The following SHISA6 variants were observed in gnomAD, a reference collection of about 807,000 sequenced individuals.
SHISA6 encodes the protein shisa family member 6, also known as protein shisa-6.
SHISA6 carries 22 observed loss-of-function variants against 47.9 expected under a neutral mutation model. The observed-to-expected ratio is 0.46, with a 90% CI of 0.33 to 0.66. SHISA6 has a LOEUF of 0.66. Among genes scored for constraint, SHISA6 ranks in the 30% least tolerant of loss-of-function variants. The probability of loss-of-function intolerance (pLI) is 0.02; values close to 1 mark genes in which losing one functional copy is unlikely to be tolerated. For synonymous variants in SHISA6, 388 were observed against 337.8 expected (o/e 1.15, Z -1.63); for missense variants, 680 against 764.6 (o/e 0.89, Z 1.30).
chr17:11,483,904 C>G (rs905131485), intron 3 of SHISA6, among the ~76,000 whole-genome samples: 2 of 152,096 alleles, frequency 1.3e-5, no homozygotes, highest in African/African-American at 4.8e-5. Context: ...TGCAGTGAAC[C>G]GTGATCACAC....
chr17:11,259,876 G>A (rs117103795), intron 1 of SHISA6, among the ~76,000 whole-genome samples: 3,171 of 152,234 alleles, frequency 0.021, 55 homozygotes, highest in Non-Finnish European at 0.033. Flanking sequence ...AAGGATGCCC[G>A]GGCTCAAGTC....
At chr17:11,310,210 C>T (rs1274852292) in intron 2 of SHISA6, among the ~76,000 whole-genome samples, 1 of 152,178 alleles carries the variant, frequency 6.6e-6, no homozygotes, top group African/African-American at 2.4e-5. Flanking sequence ...TATTCAAATT[C>T]ATAATGACTC....
chr17:11,554,091 G>T (rs1186496747), intron 4 of SHISA6, among the ~76,000 whole-genome samples: 1 of 152,194 alleles, frequency 6.6e-6, no homozygotes, highest in Non-Finnish European at 1.5e-5. Flanking sequence ...GTGATGCCTT[G>T]TTGAGAGTAT....
intron 3 of SHISA6, among the ~76,000 whole-genome samples, chr17:11,394,589 A>G (rs751901174): frequency 3.9e-5 from 6 of 152,164 alleles, no homozygotes; most frequent in Non-Finnish European, 5.9e-5. Flanking sequence ...GCTTTAGCTC[A>G]ATTCTGCACC....
chr17:11,425,769 A>G (rs1023936924), intron 3 of SHISA6, among the ~76,000 whole-genome samples: 2 of 152,190 alleles, frequency 1.3e-5, no homozygotes, highest in African/African-American at 4.8e-5. Context: ...ATCATGTGAT[A>G]AGCCAGATGG....
intron 3 of SHISA6, among the ~76,000 whole-genome samples, chr17:11,526,771 T>C (rs889834652): frequency 6.6e-6 from 1 of 151,610 alleles, no homozygotes; most frequent in African/African-American, 2.4e-5. Context: ...GTGGCTCTGA[T>C]CCTTACTAGC....
intron 3 of SHISA6, among the ~76,000 whole-genome samples, chr17:11,503,512 C>T (rs1364198278): frequency 6.6e-6 from 1 of 152,154 alleles, no homozygotes; most frequent in East Asian, 1.9e-4. Flanking sequence ...ATTGTCCATA[C>T]TGACTCCTGC....
intron 3 of SHISA6, among the ~76,000 whole-genome samples, chr17:11,406,774 A>C (rs1913977222): frequency 6.6e-6 from 1 of 152,164 alleles, no homozygotes; most frequent in Admixed American, 6.5e-5. Context: ...GATTGTATAA[A>C]ATGTACAGAA....
At chr17:11,499,686 T>TCTTTC (rs1238524160) in intron 3 of SHISA6, among the ~76,000 whole-genome samples, 1 of 143,728 alleles carries the variant, frequency 7.0e-6, no homozygotes, top group Admixed American at 6.8e-5. Context: ...TTTCTTTCTT[T>TCTTTC]TTTTTTTTTT....
intron 3 of SHISA6, chr17:11,380,078 G>A (rs1912960796): frequency 1.3e-5 from 2 of 153,172 alleles, no homozygotes; most frequent in African/African-American, 4.8e-5. Flanking sequence ...CTAGCTGACA[G>A]CTTGCAGAGC....
intron 3 of SHISA6, among the ~76,000 whole-genome samples, chr17:11,523,955 G>A (rs1021457567): frequency 2.6e-5 from 4 of 151,376 alleles, no homozygotes; most frequent in African/African-American, 7.3e-5. Context: ...GCAGTGAGCC[G>A]AGAAACACGC....
intron 3 of SHISA6, among the ~76,000 whole-genome samples, chr17:11,395,752 A>G (rs896560024): frequency 1.3e-5 from 2 of 152,102 alleles, no homozygotes; most frequent in Non-Finnish European, 2.9e-5. Context: ...TCCTGATCTC[A>G]AGTGATCTAC....
chr17:11,343,417 G>T (rs1047680377), intron 2 of SHISA6, among the ~76,000 whole-genome samples: 3 of 152,144 alleles, frequency 2.0e-5, no homozygotes, highest in Non-Finnish European at 4.4e-5. Context: ...TTATTTGGGG[G>T]TGTGATACCA....
At chr17:11,542,000 G>A (rs1314993539) in intron 3 of SHISA6, among the ~76,000 whole-genome samples, 2 of 152,096 alleles carry the variant, frequency 1.3e-5, no homozygotes, top group Non-Finnish European at 2.9e-5. Flanking sequence ...ATTGACCAAA[G>A]GTATACAATA....
chr17:11,367,465 G>A (rs1912492350), intron 2 of SHISA6, among the ~76,000 whole-genome samples: 2 of 152,188 alleles, frequency 1.3e-5, no homozygotes, highest in South Asian at 4.1e-4. Flanking sequence ...GAGGTTTCAG[G>A]AACAGCAGAA....
rs1315946204 is a variant in SHISA6 at position 11,241,931 on chromosome 17, A to C, written c.509A>C (p.Glu170Ala). 1 of 1,550,956 alleles carries C rather than the reference A, an allele frequency of 6.4e-7. No individual in the cohort carries two copies. The highest frequency in any genetic ancestry group is 2.4e-5 in the East Asian group (1 of 40,900). ...SPGPENKYDP[E>A]KDKTNFTVYI... ...GGGCCCGAGAACAAGTACGACCCGG[A>C]GAAGGACAAGACCAACTTCACCGTC... Residue 170 changes from glutamate to alanine, a missense_variant, in exon 1 of 6, where the codon GAG becomes GCG. Physicochemically the swap from Glu to Ala is moderately radical, Grantham distance 107. Coordinates refer to ENST00000441885, the MANE Select transcript of SHISA6 (RefSeq NM_207386.4). This position sits in a 1 kb window ranked among gnomAD's most constrained non-coding sequence, Gnocchi z 5.5.
intron 3 of SHISA6, among the ~76,000 whole-genome samples, chr17:11,549,799 A>AAAC (rs956287888): frequency 1.5e-4 from 23 of 152,152 alleles, no homozygotes; most frequent in Non-Finnish European, 2.4e-4. Context: ...CAAATAAACC[A>AAAC]AACAACAACA....
At chr17:11,534,676 T>C (rs928618734) in intron 3 of SHISA6, among the ~76,000 whole-genome samples, 1 of 152,000 alleles carries the variant, frequency 6.6e-6, no homozygotes, top group South Asian at 2.1e-4. Context: ...GGATAAGGTG[T>C]TGTTTTAGAG....
chr17:11,297,888 G>A (rs993281210), intron 2 of SHISA6, among the ~76,000 whole-genome samples: 5 of 152,184 alleles, frequency 3.3e-5, no homozygotes, highest in African/African-American at 1.2e-4. Context: ...GAAAATGGAT[G>A]GCGGAGCTGG....
Sources: gnomAD v4.1 joint callset for allele counts (sites outside exome capture counted in the v4.1 genomes callset) on GRCh38, gnomAD v4.1.1 for gene constraint, Gnocchi (gnomAD v3.1) non-coding constraint, MANE v1.5 for transcripts, NCBI Gene and HGNC (gene_info 2026-07-23, HGNC 2026-07-21) for gene names.